The following PKD1L1 variants were observed in gnomAD, a reference collection of about 807,000 sequenced individuals.
PKD1L1 encodes the protein polycystin 1 like 1, transient receptor potential channel interacting, also known as polycystin-1-like protein 1.
In PKD1L1, 236 loss-of-function variants were observed where a neutral mutation model predicts 323.4. The ratio of observed to expected loss-of-function variants is 0.73; its 90% confidence interval spans 0.66 to 0.81. The LOEUF (loss-of-function observed/expected upper bound fraction) is 0.81, where lower values mean the gene tolerates loss of function less well. Among genes scored for constraint, PKD1L1 ranks in the 40% least tolerant of loss-of-function variants. PKD1L1 has a pLI of 0.00. For missense variants in PKD1L1, 3,320 were observed against 3,508.0 expected, an observed-to-expected ratio of 0.95 and a Z score of 1.35; for synonymous variants, 1,344 against 1,335.0, an observed-to-expected ratio of 1.01 and a Z score of -0.15.
chr7:47,855,990 C>T (rs2128741955), intron 28 of PKD1L1, among the ~76,000 whole-genome samples: 1 of 151,366 alleles, frequency 6.6e-6, no homozygotes, highest in East Asian at 1.9e-4. Context: ...TCAAATTTTG[C>T]TATGTAATAG....
chr7:47,861,880 C>CAAAAAAAAAA (rs60918464), intron 26 of PKD1L1, among the ~76,000 whole-genome samples: 1 of 43,900 alleles, frequency 2.3e-5, no homozygotes, highest in Non-Finnish European at 3.7e-5. Context: ...GACTCTGTCT[C>CAAAAAAAAAA]AAAAAAAAAA....
chr7:47,813,488 T>A, intron 48 of PKD1L1, 195 bp from the exon 49 acceptor site: 1 of 729,254 alleles, frequency 1.4e-6, no homozygotes, highest in Non-Finnish European at 2.4e-6. Context: ...ATCAAGGTTC[T>A]ACCCACAGAA....
At chr7:47,876,292 C>A in intron 22 of PKD1L1, 75 bp from the exon 23 acceptor site, 1 of 1,496,960 alleles carries the variant, frequency 6.7e-7, no homozygotes. Context: ...CATACACACA[C>A]AGCTGAGCCT....
At chr7:47,807,623 G>A (rs1174365642) in intron 52 of PKD1L1, among the ~76,000 whole-genome samples, 1 of 152,162 alleles carries the variant, frequency 6.6e-6, no homozygotes, top group Non-Finnish European at 1.5e-5. Flanking sequence ...GGAAGGCAGC[G>A]TCCCATGCTG....
In PKD1L1 at chr7:47,900,055, C is replaced by T. The variant is rs1366867588; in HGVS notation, c.2065-1861G>A. ...ATTATAAATGAAAGTTTACTTTTGA[C>T]ATTCTTTAGGTGACTTTAGTTATAA... On this transcript the variant is annotated intron_variant, in intron 13 of 56. Transcript: ENST00000289672. 2.6e-5 allele frequency among the ~76,000 whole-genome samples: 4 copies of T among 151,368 alleles called. No individual in the cohort carries two copies. The East Asian group carries it at 7.8e-4, about 29-fold the overall frequency.
At chr7:47,932,617 C>T (rs1787793919) in intron 4 of PKD1L1, among the ~76,000 whole-genome samples, 1 of 152,118 alleles carries the variant, frequency 6.6e-6, no homozygotes, top group Non-Finnish European at 1.5e-5. Flanking sequence ...CTGTTATCAC[C>T]ACCTCACCCT....
intron 28 of PKD1L1, among the ~76,000 whole-genome samples, chr7:47,855,584 T>C (rs12702395): frequency 3.6e-5 from 4 of 110,350 alleles, no homozygotes; most frequent in Non-Finnish European, 5.7e-5. Flanking sequence ...GAAAAGTATA[T>C]GCAAGAGTGG....
chr7:47,813,385 C>A (rs1446595223), intron 48 of PKD1L1, 92 bp from the exon 49 acceptor site: 3 of 1,297,026 alleles, frequency 2.3e-6, no homozygotes, highest in Non-Finnish European at 3.2e-6. Flanking sequence ...CATGTGAACA[C>A]CTGCTCTGTC....
At chr7:47,872,573 CA>C (rs1282782575) in intron 24 of PKD1L1, among the ~76,000 whole-genome samples, 2 of 152,114 alleles carry the variant, frequency 1.3e-5, no homozygotes, top group East Asian at 3.8e-4. Context: ...GGAAGATATA[CA>C]AAGCATATGA....
intron 12 of PKD1L1, among the ~76,000 whole-genome samples, chr7:47,903,535 T>C (rs1430163867): frequency 6.6e-6 from 1 of 152,134 alleles, no homozygotes; most frequent in African/African-American, 2.4e-5. Flanking sequence ...AAGTCCTGAA[T>C]CCATAGTTAG....
chr7:47,822,873 G>T (rs996963390), intron 45 of PKD1L1, among the ~76,000 whole-genome samples: 1 of 151,508 alleles, frequency 6.6e-6, no homozygotes, highest in African/African-American at 2.4e-5. Flanking sequence ...TTCATTACTG[G>T]TATATAGGAA....
chr7:47,880,715 CA>C lies in PKD1L1; in HGVS notation c.3520+12del, dbSNP rs748666838. On this transcript the variant is annotated intron_variant, in intron 21 of 56. Transcript: ENST00000289672. The stretch of plus-strand genomic sequence containing the variant: ...CTCATCCTCTGATAAATGCAACTGA[CA>C]ATGTAACATACCCACAGACACTTGC... The C allele has an allele frequency of 1.9e-6, 3 of 1,595,150 alleles. No individual in the cohort carries two copies. Among genetic ancestry groups the C allele is most frequent in the Non-Finnish European group, 2.6e-6 (3 of 1,168,560 alleles).
intron 50 of PKD1L1, among the ~76,000 whole-genome samples, chr7:47,809,968 T>A (rs188425046): frequency 6.6e-6 from 1 of 152,360 alleles, no homozygotes; most frequent in East Asian, 1.9e-4. Flanking sequence ...ATGAACTATA[T>A]ATACATATAT....
intron 46 of PKD1L1, among the ~76,000 whole-genome samples, chr7:47,818,958 G>T (rs567016743): frequency 1.3e-5 from 2 of 152,094 alleles, no homozygotes; most frequent in African/African-American, 2.4e-5. Context: ...TGCTAAGTCC[G>T]AGCACTTGCC....
At chr7:47,921,674 G>GATAT (rs34123411) in intron 7 of PKD1L1, among the ~76,000 whole-genome samples, 2 of 138,808 alleles carry the variant, frequency 1.4e-5, no homozygotes, top group Non-Finnish European at 3.0e-5. Flanking sequence ...AAGAAACTGT[G>GATAT]ATATATATAT....
chr7:47,864,576 T>TTTTCTTTTCTTTC (rs1786107073), intron 26 of PKD1L1, among the ~76,000 whole-genome samples: 2 of 107,520 alleles, frequency 1.9e-5, no homozygotes, highest in African/African-American at 7.2e-5. Context: ...TTTTTCTTTC[T>TTTTCTTTTCTTTC]TTTCTTTCTT....
intron 19 of PKD1L1, 127 bp from the exon 20 acceptor site, chr7:47,882,212 A>T: frequency 9.9e-7 from 1 of 1,009,346 alleles, no homozygotes; most frequent in Non-Finnish European, 1.5e-6. Context: ...ATCTAATATA[A>T]TGTCTTCAGC....
chr7:47,855,629 C>T (rs1312840426), intron 28 of PKD1L1, among the ~76,000 whole-genome samples: 1 of 96,994 alleles, frequency 1.0e-5, no homozygotes, highest in Non-Finnish European at 2.1e-5. Flanking sequence ...GTAATCCCAG[C>T]ACTTTGGGAG....
In PKD1L1 at chr7:47,904,951, C is replaced by T. The variant is rs114861056; in HGVS notation, c.1691+206G>A. ...GACTGTCTGCTTCAAAGCCCTACACCGTTTCCCTTAGTTCAAGCTGAAGAG... is the reference window on the plus strand; with the variant it reads ...GACTGTCTGCTTCAAAGCCCTACACTGTTTCCCTTAGTTCAAGCTGAAGAG... On this transcript the variant is annotated intron_variant, in intron 11 of 56. Transcript: ENST00000289672. Among the ~76,000 whole-genome samples the T allele has an allele frequency of 9.2e-3, 1,397 of 152,212 alleles. 22 individuals carry two copies. The highest frequency in any genetic ancestry group is 0.032 in the African/African-American group (1,321 of 41,502).
Sources: gnomAD v4.1 joint callset for allele counts (sites outside exome capture counted in the v4.1 genomes callset) on GRCh38, gnomAD v4.1.1 for gene constraint, MANE v1.5 for transcripts, NCBI Gene and HGNC (gene_info 2026-07-23, HGNC 2026-07-21) for gene names.